The following POU2F1 variants were observed in gnomAD, a reference collection of about 807,000 sequenced individuals.
POU2F1 encodes the protein POU domain, class 2, transcription factor 1.
A neutral mutation model predicts 84.9 loss-of-function variants in POU2F1; 16 were observed. That is an observed-to-expected ratio of 0.19 (90% CI 0.13 to 0.29). POU2F1 has a LOEUF of 0.29. POU2F1 is among the 10% of genes least tolerant of loss of function. The probability of loss-of-function intolerance (pLI) is 1.00; values close to 1 mark genes in which losing one functional copy is unlikely to be tolerated. For synonymous variants in POU2F1, 368 were observed against 368.3 expected (o/e 1.00, Z 0.01); for missense variants, 738 against 942.6 (o/e 0.78, Z 2.84).
chr1:167,221,683 T>G (rs10082118), intron 1 of POU2F1, among the ~76,000 whole-genome samples: 148,255 of 150,868 alleles, frequency 0.98, 72,893 homozygotes, highest in East Asian at 1. Context: ...CACTTCGGCC[T>G]CGCCCCACTG....
At chr1:167,334,643 C>T (rs539070470) in intron 2 of POU2F1, among the ~76,000 whole-genome samples, 4 of 152,098 alleles carry the variant, frequency 2.6e-5, no homozygotes, top group Non-Finnish European at 4.4e-5. Flanking sequence ...TTTCTTGCCT[C>T]GTTTTAATAT....
At chr1:167,276,225 TC>T (rs951872654) in intron 1 of POU2F1, among the ~76,000 whole-genome samples, 16 of 152,212 alleles carry the variant, frequency 1.1e-4, no homozygotes, top group Non-Finnish European at 2.2e-4. Flanking sequence ...GTTCAGTATA[TC>T]CCATGCTGTA....
chr1:167,265,448 A>G (rs1223809714), intron 1 of POU2F1, among the ~76,000 whole-genome samples: 2 of 152,252 alleles, frequency 1.3e-5, no homozygotes, highest in Admixed American at 6.5e-5. Context: ...ATTCAGAGTC[A>G]TTGATTTAGC....
At chr1:167,225,156 A>G (rs114826021) in intron 1 of POU2F1, among the ~76,000 whole-genome samples, 1,594 of 152,200 alleles carry the variant, frequency 0.01, 32 homozygotes, top group African/African-American at 0.037. Flanking sequence ...TCTCCCACCT[A>G]TTAATTACAA....
intron 7 of POU2F1, among the ~76,000 whole-genome samples, chr1:167,376,769 G>GT (rs1364578941): frequency 6.6e-6 from 1 of 151,960 alleles, no homozygotes; most frequent in Non-Finnish European, 1.5e-5. Context: ...TTCTGAGTGG[G>GT]TTTTTTTGCC....
intron 2 of POU2F1, among the ~76,000 whole-genome samples, chr1:167,357,948 C>T (rs552546452): frequency 2.7e-5 from 4 of 150,184 alleles, no homozygotes; most frequent in East Asian, 2.0e-4. Context: ...GGACTACAGG[C>T]GCACATCACT....
chr1:167,322,684 G>A (rs1056929532), intron 1 of POU2F1, among the ~76,000 whole-genome samples: 1 of 152,212 alleles, frequency 6.6e-6, no homozygotes, highest in Non-Finnish European at 1.5e-5. Flanking sequence ...GAAATATAGA[G>A]TGCAGAGTGG....
At position 167,220,921 on chromosome 1, in the gene POU2F1, T is replaced by G; in HGVS notation, c.24T>G (p.Ser8Arg). The change falls in exon 1 of 16, where the codon AGT (serine) becomes AGG (arginine). Residue 8 changes from serine (S) to arginine (R), a missense_variant. By Grantham distance (110) the Ser-to-Arg change is moderately radical (BLOSUM62 -1). Coordinates refer to ENST00000367866, the MANE Select transcript of POU2F1 (RefSeq NM_002697.4). ...AAATGGCGGACGGAGGAGCAGCGAG[T>G]CAAGATGAGAGTTCAGCCGCGGCGG... MADGGAA[S>R]QDESSAAAAA... 1.3e-6 allele frequency: 2 copies of G among 1,534,620 alleles called. No homozygotes were observed. Among genetic ancestry groups the G allele is most frequent in the Non-Finnish European group, 1.7e-6 (2 of 1,146,652 alleles).
intron 1 of POU2F1, among the ~76,000 whole-genome samples, chr1:167,285,464 C>T (rs1307827640): frequency 1.3e-5 from 2 of 152,044 alleles, no homozygotes. Flanking sequence ...CAGCAGCAGG[C>T]GCCTGTAGTC....
chr1:167,396,214 G>GTGAA, intron 9 of POU2F1, 72 bp from the exon 10 acceptor site: 1 of 1,552,394 alleles, frequency 6.4e-7, no homozygotes, highest in Non-Finnish European at 8.8e-7. Flanking sequence ...ACACCCCAGA[G>GTGAA]TGAAGGCTTT....
intron 1 of POU2F1, among the ~76,000 whole-genome samples, chr1:167,281,898 C>T (rs1288965040): frequency 1.3e-5 from 2 of 152,048 alleles, no homozygotes; most frequent in African/African-American, 4.8e-5. Flanking sequence ...CCTTTCAGGC[C>T]ACACTTTTTC....
chr1:167,247,032 ATATATATG>A (rs894036090), intron 1 of POU2F1, among the ~76,000 whole-genome samples: 1 of 37,588 alleles, frequency 2.7e-5, no homozygotes, highest in Middle Eastern at 0.013. Flanking sequence ...ATCAGGTTAT[ATATATATG>A]TGTGTGTGTG....
At chr1:167,294,821 G>A (rs935676820) in intron 1 of POU2F1, among the ~76,000 whole-genome samples, 1 of 152,106 alleles carries the variant, frequency 6.6e-6, no homozygotes, top group Non-Finnish European at 1.5e-5. Context: ...GAAAAGTAGT[G>A]TGGAGATTCC....
chr1:167,289,837 G>GT (rs552648880), intron 1 of POU2F1, among the ~76,000 whole-genome samples: 57 of 152,150 alleles, frequency 3.7e-4, no homozygotes, highest in African/African-American at 1.3e-3. Flanking sequence ...CTTTTAGACA[G>GT]TTTTTTTGTG....
At chr1:167,304,875 A>AT (rs1557881034) in intron 1 of POU2F1, among the ~76,000 whole-genome samples, 1 of 152,210 alleles carries the variant, frequency 6.6e-6, no homozygotes, top group Non-Finnish European at 1.5e-5. Flanking sequence ...GCTTTTCAAA[A>AT]TTAGCTGACA....
chr1:167,267,787 G>T (rs1046316044), intron 1 of POU2F1, among the ~76,000 whole-genome samples: 4 of 151,732 alleles, frequency 2.6e-5, no homozygotes, highest in Admixed American at 6.6e-5. Context: ...GACTACAGGT[G>T]CCTGCCACCA....
intron 1 of POU2F1, among the ~76,000 whole-genome samples, chr1:167,306,069 C>T (rs980120229): frequency 4.6e-5 from 7 of 152,166 alleles, no homozygotes; most frequent in Non-Finnish European, 1.0e-4. Context: ...CTTGTTAACC[C>T]TCCACATTCT....
At chr1:167,296,158 G>A (rs1654277486) in intron 1 of POU2F1, among the ~76,000 whole-genome samples, 1 of 151,982 alleles carries the variant, frequency 6.6e-6, no homozygotes, top group South Asian at 2.1e-4. Flanking sequence ...GAGCCTTTTT[G>A]CATTCAGGTA....
chr1:167,376,264 T>C, intron 7 of POU2F1, 109 bp downstream of exon 7: 10 of 1,195,278 alleles, frequency 8.4e-6, no homozygotes, highest in Non-Finnish European at 9.9e-6. Flanking sequence ...ACCAATGTTT[T>C]TATTAAATTT....
Sources: gnomAD v4.1 joint callset for allele counts (sites outside exome capture counted in the v4.1 genomes callset) on GRCh38, gnomAD v4.1.1 for gene constraint, MANE v1.5 for transcripts, NCBI Gene and HGNC (gene_info 2026-07-23, HGNC 2026-07-21) for gene names.